SLC24A2: variants seen among roughly 807,000 people sequenced by gnomAD.
SLC24A2 encodes sodium/potassium/calcium exchanger 2.
Under a neutral mutation model 62.0 loss-of-function variants are expected in SLC24A2, and 36 were observed. The ratio of observed to expected loss-of-function variants is 0.58; its 90% confidence interval spans 0.44 to 0.77. The LOEUF (loss-of-function observed/expected upper bound fraction) is 0.77. Among genes scored for constraint, SLC24A2 ranks in the 30% least tolerant of loss-of-function variants. SLC24A2 has a pLI of 0.00. For synonymous variants in SLC24A2, 358 were observed against 294.0 expected (o/e 1.22, Z -2.23); for missense variants, 846 against 817.9 (o/e 1.03, Z -0.42).
chr9:19,536,193 T>C (rs1253561580), intron 8 of SLC24A2, among the ~76,000 whole-genome samples: 3 of 149,632 alleles, frequency 2.0e-5, no homozygotes, highest in East Asian at 1.9e-4. Context: ...TTTTTAATTT[T>C]TTATTTATTT....
chr9:20,281,807 T>A, the SLC24A2 span, among the ~76,000 whole-genome samples: 1 of 152,226 alleles, frequency 6.6e-6, no homozygotes, highest in Non-Finnish European at 1.5e-5. Context: ...TTGGCAAACA[T>A]ACATATAGAA....
the SLC24A2 span, among the ~76,000 whole-genome samples, chr9:20,230,409 T>G: frequency 6.6e-6 from 1 of 152,228 alleles, no homozygotes; most frequent in African/African-American, 2.4e-5. Context: ...TTTCCTGACT[T>G]TTTAATGATT....
At chr9:20,228,871 C>G in the SLC24A2 span, among the ~76,000 whole-genome samples, 15 of 152,038 alleles carry the variant, frequency 9.9e-5, no homozygotes, top group Admixed American at 2.6e-4. Flanking sequence ...GGCACAGACA[C>G]TGGTAAATGG....
upstream of SLC24A2, among the ~76,000 whole-genome samples, chr9:19,791,987 T>G (rs1208822325): frequency 6.6e-6 from 1 of 152,204 alleles, no homozygotes; most frequent in Non-Finnish European, 1.5e-5. Flanking sequence ...CTCTTTTTGT[T>G]TTGAAGAGGA....
chr9:20,233,274 G>A, the SLC24A2 span, among the ~76,000 whole-genome samples: 2 of 151,928 alleles, frequency 1.3e-5, no homozygotes, highest in Non-Finnish European at 2.9e-5. Flanking sequence ...CAATTCCTGG[G>A]TATCCTTGTT....
At chr9:20,300,811 A>T in the SLC24A2 span, among the ~76,000 whole-genome samples, 1 of 152,206 alleles carries the variant, frequency 6.6e-6, no homozygotes, top group Non-Finnish European at 1.5e-5. Flanking sequence ...TCTTAGGGGC[A>T]ATGCTTTGTT....
chr9:19,822,951 C>G, the SLC24A2 span, among the ~76,000 whole-genome samples: 1 of 152,146 alleles, frequency 6.6e-6, no homozygotes, highest in Non-Finnish European at 1.5e-5. Flanking sequence ...TTCCTCTTCT[C>G]CTTCTCAGGA....
At chr9:19,850,161 A>C in the SLC24A2 span, among the ~76,000 whole-genome samples, 43 of 152,256 alleles carry the variant, frequency 2.8e-4, no homozygotes, top group African/African-American at 1.0e-3. Context: ...ATAATTAAAA[A>C]TAAATTAAGC....
At chr9:20,192,335 T>C in the SLC24A2 span, among the ~76,000 whole-genome samples, 1 of 152,060 alleles carries the variant, frequency 6.6e-6, no homozygotes, top group Non-Finnish European at 1.5e-5. Flanking sequence ...AAAGACTATT[T>C]TGTAGACAAG....
chr9:19,691,309 T>A (rs1820040273), intron 2 of SLC24A2, among the ~76,000 whole-genome samples: 1 of 152,154 alleles, frequency 6.6e-6, no homozygotes, highest in African/African-American at 2.4e-5. Flanking sequence ...CCCCTGAGAC[T>A]CACACTAGTG....
the SLC24A2 span, among the ~76,000 whole-genome samples, chr9:20,045,115 T>C: frequency 6.6e-6 from 1 of 152,212 alleles, no homozygotes; most frequent in East Asian, 1.9e-4. Flanking sequence ...TATACATGGA[T>C]CGTATAGATA....
At chr9:20,019,277 A>AAGAAAGAAAG in the SLC24A2 span, among the ~76,000 whole-genome samples, 6 of 149,260 alleles carry the variant, frequency 4.0e-5, no homozygotes, top group Admixed American at 2.7e-4. Context: ...GAAAGAAAGA[A>AAGAAAGAAAG]AGAAAGAAAG....
At chr9:20,149,407 T>C in the SLC24A2 span, among the ~76,000 whole-genome samples, 3 of 151,984 alleles carry the variant, frequency 2.0e-5, no homozygotes, top group East Asian at 5.8e-4. Flanking sequence ...ATAGGGATGA[T>C]TTTTTTTCAG....
chr9:20,232,369 G>T, the SLC24A2 span, among the ~76,000 whole-genome samples: 1 of 151,850 alleles, frequency 6.6e-6, no homozygotes, highest in South Asian at 2.1e-4. Flanking sequence ...TGGTCCTGGA[G>T]TTTTTTTGGT....
intron 2 of SLC24A2, among the ~76,000 whole-genome samples, chr9:19,775,325 C>A (rs1437655049): frequency 6.6e-6 from 1 of 152,226 alleles, no homozygotes; most frequent in Non-Finnish European, 1.5e-5. Context: ...ATTTCTTTTC[C>A]ACCTGATGAC....
the SLC24A2 span, among the ~76,000 whole-genome samples, chr9:19,849,307 C>T: frequency 2.0e-5 from 3 of 152,108 alleles, no homozygotes; most frequent in Non-Finnish European, 2.9e-5. Flanking sequence ...TGAAGATACA[C>T]GTCTGTACAC....
the SLC24A2 span, among the ~76,000 whole-genome samples, chr9:20,300,808 G>C: frequency 1.3e-5 from 2 of 152,146 alleles, no homozygotes; most frequent in African/African-American, 4.8e-5. Flanking sequence ...ATGTCTTAGG[G>C]GCAATGCTTT....
chr9:19,560,200 A>G (rs955739473), intron 7 of SLC24A2, among the ~76,000 whole-genome samples: 10 of 152,114 alleles, frequency 6.6e-5, no homozygotes, highest in African/African-American at 2.4e-4. Context: ...AAACCGTTAG[A>G]CCATATGATA....
At chr9:19,888,167 G>C in the SLC24A2 span, among the ~76,000 whole-genome samples, 2 of 152,066 alleles carry the variant, frequency 1.3e-5, no homozygotes, top group African/African-American at 4.8e-5. Flanking sequence ...CCTTTTAGTG[G>C]GCTGTTCACC....
Sources: allele counts gnomAD v4.1 joint callset (sites outside exome capture counted in the v4.1 genomes callset), GRCh38; gene constraint gnomAD v4.1.1; transcripts MANE v1.5; gene names NCBI Gene and HGNC (gene_info 2026-07-23, HGNC 2026-07-21).